The following TRAPPC12 variants were observed in gnomAD, a reference collection of about 807,000 sequenced individuals.
The protein encoded by TRAPPC12 is trafficking protein particle complex subunit 12, also known as TPR repeat protein 15.
In TRAPPC12, 61 loss-of-function variants were observed where a neutral mutation model predicts 69.2. The ratio of observed to expected loss-of-function variants is 0.88; its 90% CI spans 0.72 to 1.09. TRAPPC12 has a LOEUF of 1.09. Among genes scored for constraint, TRAPPC12 ranks in the 50% least tolerant of loss-of-function variants. The pLI is 0.00. For missense variants in TRAPPC12, 1,101 were observed against 1,016.4 expected, an observed-to-expected ratio of 1.08 and a Z score of -1.13; for synonymous variants, 469 against 438.9, an observed-to-expected ratio of 1.07 and a Z score of -0.86.
At chr2:3,466,295 T>C in intron 9 of TRAPPC12, 2 of 471,154 alleles carry the variant, frequency 4.2e-6, no homozygotes, top group South Asian at 3.1e-5. Flanking sequence ...CCCTCAGTCT[T>C]AGGTCACGTC....
At chr2:3,440,276 GT>G (rs1664126537) in intron 5 of TRAPPC12, among the ~76,000 whole-genome samples, 1 of 152,174 alleles carries the variant, frequency 6.6e-6, no homozygotes, top group Non-Finnish European at 1.5e-5. Flanking sequence ...TGTAGGTCAA[GT>G]TGTAAAGAAC....
chr2:3,433,465 G>C (rs1453942668), intron 5 of TRAPPC12, among the ~76,000 whole-genome samples: 1 of 151,914 alleles, frequency 6.6e-6, no homozygotes, highest in Non-Finnish European at 1.5e-5. Context: ...CGGCAACCTA[G>C]CTGCCTCTGG....
chr2:3,420,114 G>A (rs2103050676), intron 3 of TRAPPC12, among the ~76,000 whole-genome samples: 1 of 152,312 alleles, frequency 6.6e-6, no homozygotes, highest in African/African-American at 2.4e-5. Flanking sequence ...AAAACTAGAG[G>A]CAACCAAGGG....
At chr2:3,380,394 A>C (rs922498444) in intron 1 of TRAPPC12, among the ~76,000 whole-genome samples, 1 of 152,262 alleles carries the variant, frequency 6.6e-6, no homozygotes, top group Non-Finnish European at 1.5e-5. Context: ...TGCTACACAT[A>C]CTAATTGTAG....
chr2:3,460,125 G>A (rs1665404546), intron 7 of TRAPPC12, 138 bp from the exon 8 acceptor site: 1 of 740,050 alleles, frequency 1.4e-6, no homozygotes, highest in African/African-American at 1.7e-5. Context: ...AGCATATTCA[G>A]CATTCCAGGC....
chr2:3,457,763 C>A, intron 7 of TRAPPC12, 70 bp downstream of exon 7: 1 of 1,579,084 alleles, frequency 6.3e-7, no homozygotes. Flanking sequence ...CAAAGCCTCT[C>A]GCTTCCTCTC....
chr2:3,407,651 A>T (rs1177543183), intron 3 of TRAPPC12, among the ~76,000 whole-genome samples: 1 of 151,954 alleles, frequency 6.6e-6, no homozygotes. Flanking sequence ...AAATACAAAA[A>T]ATTAGCCGGG....
At chr2:3,382,046 CCACTATTTTAAT>C (rs1479293991) in intron 1 of TRAPPC12, among the ~76,000 whole-genome samples, 6 of 152,030 alleles carry the variant, frequency 3.9e-5, no homozygotes, top group African/African-American at 1.4e-4. Context: ...CTGATTTTCA[CCACTATTTTAAT>C]ATTTTATGTC....
At chr2:3,435,340 G>T (rs546672669) in intron 5 of TRAPPC12, among the ~76,000 whole-genome samples, 40 of 152,232 alleles carry the variant, frequency 2.6e-4, no homozygotes, top group African/African-American at 8.7e-4. Context: ...TTACTGGGGG[G>T]GCAGGGGAAT....
chr2:3,382,325 G>A (rs1432270196), intron 1 of TRAPPC12, among the ~76,000 whole-genome samples: 1 of 151,906 alleles, frequency 6.6e-6, no homozygotes, highest in East Asian at 1.9e-4. Context: ...AATAGAGACA[G>A]CATTTCACTA....
At chr2:3,446,339 C>T (rs1664504771) in intron 6 of TRAPPC12, among the ~76,000 whole-genome samples, 1 of 152,340 alleles carries the variant, frequency 6.6e-6, no homozygotes, top group African/African-American at 2.4e-5. Context: ...TGGTCTTCAC[C>T]TTAAAGGATT....
intron 3 of TRAPPC12, among the ~76,000 whole-genome samples, chr2:3,421,513 A>T (rs1475159758): frequency 6.6e-6 from 1 of 152,280 alleles, no homozygotes; most frequent in African/African-American, 2.4e-5. Flanking sequence ...TTTTAAATTG[A>T]CAGAAATCTT....
At chr2:3,422,748 C>T (rs904011168) in intron 4 of TRAPPC12, among the ~76,000 whole-genome samples, 2 of 152,228 alleles carry the variant, frequency 1.3e-5, no homozygotes, top group Non-Finnish European at 2.9e-5. Context: ...TTTCCCCCAT[C>T]ACCTCTCCAT....
intron 9 of TRAPPC12, among the ~76,000 whole-genome samples, chr2:3,469,964 C>T (rs986133992): frequency 6.6e-6 from 1 of 152,204 alleles, no homozygotes; most frequent in African/African-American, 2.4e-5. Flanking sequence ...CATGGAGATA[C>T]AAGGGAGGCT....
At chr2:3,409,773 A>G (rs1324661067) in intron 3 of TRAPPC12, among the ~76,000 whole-genome samples, 273 of 148,560 alleles carry the variant, frequency 1.8e-3, no homozygotes, top group Non-Finnish European at 3.2e-3. Flanking sequence ...AAAAAAAAAA[A>G]AAAAAGGGGA....
At chr2:3,397,719 TATTA>T (rs1390660421) in intron 2 of TRAPPC12, among the ~76,000 whole-genome samples, 1 of 152,248 alleles carries the variant, frequency 6.6e-6, no homozygotes, top group Non-Finnish European at 1.5e-5. Context: ...AGGTGGAACT[TATTA>T]TATAGAGATA....
chr2:3,455,402 C>T (rs930494779), intron 6 of TRAPPC12: 2 of 152,172 alleles, frequency 1.3e-5, no homozygotes, highest in African/African-American at 2.4e-5. Context: ...ATTTTTTTAA[C>T]GTACACTTAA....
chr2:3,428,410 C>G (rs1663240714), intron 5 of TRAPPC12, among the ~76,000 whole-genome samples: 2 of 152,158 alleles, frequency 1.3e-5, no homozygotes, highest in Admixed American at 1.3e-4. Flanking sequence ...TTCATTTTCG[C>G]TTGCAATATA....
chr2:3,401,854 C>A lies in TRAPPC12; in HGVS notation c.1125C>A (p.Asp375Glu), dbSNP rs373282152. The change falls in exon 3 of 12, where the codon GAC becomes GAA. Residue 375 changes from aspartate to glutamate, a missense_variant. Transcript: ENST00000324266. ...AAAKRQVLNADSVEQSFVGLK... is the reference protein window; with the variant it reads ...AAAKRQVLNAESVEQSFVGLK... ...CAAAGAGACAAGTCCTAAATGCCGACTCAGTGGAACAATCTTTTGTTGGAT... is the reference window on the plus strand; with the variant it reads ...CAAAGAGACAAGTCCTAAATGCCGAATCAGTGGAACAATCTTTTGTTGGAT... The A allele has an allele frequency of 3.6e-5, 57 of 1,599,234 alleles. No individual in the cohort carries two copies. Among genetic ancestry groups the A allele is most frequent in the Admixed American group, 1.6e-4 (9 of 55,924 alleles).
Sources: gnomAD v4.1 joint callset for allele counts (sites outside exome capture counted in the v4.1 genomes callset) on GRCh38, gnomAD v4.1.1 for gene constraint, MANE v1.5 for transcripts, NCBI Gene and HGNC (gene_info 2026-07-23, HGNC 2026-07-21) for gene names.